PTRH1: variants seen among roughly 807,000 people sequenced by gnomAD.
The protein encoded by PTRH1 is peptidyl-tRNA hydrolase.
A neutral mutation model predicts 15.7 loss-of-function variants in PTRH1; 13 were observed. The observed-to-expected ratio is 0.83, with a 90% confidence interval of 0.54 to 1.31. The LOEUF is 1.31. Ranked by LOEUF, PTRH1 falls within the 40% of genes most tolerant of loss-of-function variation. The probability of loss-of-function intolerance (pLI) is 0.00; values close to 1 mark genes in which losing one functional copy is unlikely to be tolerated. For missense variants in PTRH1, 319 were observed against 296.2 expected, an observed-to-expected ratio of 1.08 and a Z score of -0.56; for synonymous variants, 139 against 136.7, an observed-to-expected ratio of 1.02 and a Z score of -0.12.
At chr9:127,702,130 T>C (rs1588383933) in intron 1 of PTRH1, among the ~76,000 whole-genome samples, 1 of 152,002 alleles carries the variant, frequency 6.6e-6, no homozygotes, top group Non-Finnish European at 1.5e-5. Context: ...TCCCAGCACT[T>C]TGGGAGACCG....
downstream of PTRH1, chr9:127,710,538 TCCTCGCCAG>T: frequency 6.5e-7 from 1 of 1,541,822 alleles, no homozygotes; most frequent in Non-Finnish European, 8.8e-7. Context: ...ATCTTTAAGG[TCCTCGCCAG>T]GCCCTGTCCT....
At chr9:127,709,143 C>T (rs1047960687), downstream of PTRH1, among the ~76,000 whole-genome samples, 8 of 152,232 alleles carry the variant, frequency 5.3e-5, no homozygotes, top group Non-Finnish European at 1.2e-4. The surrounding 1 kb of genome is among the most constrained non-coding windows in gnomAD (Gnocchi z 4.7). Context: ...ATCTGCCAGG[C>T]ACAGGTGTTG....
chr9:127,709,162 C>T (rs1236281875), downstream of PTRH1, among the ~76,000 whole-genome samples: 1 of 152,256 alleles, frequency 6.6e-6, no homozygotes, highest in Non-Finnish European at 1.5e-5. The surrounding 1 kb of genome is among the most constrained non-coding windows in gnomAD (Gnocchi z 4.7). Context: ...TGGGGACATA[C>T]TTGTAAACAT....
rs1842632532 is a variant in PTRH1, at chr9:127,705,073, C to A, written c.206-9932G>T. Among the ~76,000 whole-genome samples, 1 of 152,192 alleles carries A rather than the reference C, an allele frequency of 6.6e-6. No homozygotes were observed. The highest frequency in any genetic ancestry group is 1.5e-5 in the Non-Finnish European group (1 of 68,020). ...AAGGGCATGTTTAATGATGCCTGGCCTCCCTGCTTCCCCAGGGCCTAGGTT... is the reference window on the plus strand; with the variant it reads ...AAGGGCATGTTTAATGATGCCTGGCATCCCTGCTTCCCCAGGGCCTAGGTT... On this transcript the variant is annotated intron_variant, in intron 1 of 2. Coordinates refer to the PTRH1 transcript ENST00000335223. This position sits in a 1 kb window ranked among gnomAD's most constrained non-coding sequence, Gnocchi z 4.7.
chr9:127,701,028 T>C (rs7029756), intron 1 of PTRH1, among the ~76,000 whole-genome samples: 2,145 of 152,378 alleles, frequency 0.014, 52 homozygotes, highest in African/African-American at 0.05. Flanking sequence ...GGTCGAATGG[T>C]ACATGCATGT....
intron 1 of PTRH1, among the ~76,000 whole-genome samples, chr9:127,708,247 G>A (rs1842690000): frequency 6.6e-6 from 1 of 152,210 alleles, no homozygotes; most frequent in Non-Finnish European, 1.5e-5. Flanking sequence ...GGGAGGCCAA[G>A]GTGGGCAGAT....
chr9:127,712,094 G>A (rs976942448), downstream of PTRH1: 1 of 1,519,692 alleles, frequency 6.6e-7, no homozygotes, highest in Non-Finnish European at 8.9e-7. Flanking sequence ...GGGGCGGGAT[G>A]GGGGCCCCTG....
At chr9:127,713,496 C>CTTTT (rs58502035), downstream of PTRH1, 13 of 90,930 alleles carry the variant, frequency 1.4e-4, no homozygotes, top group South Asian at 1.9e-4. Context: ...CAGCATCTTT[C>CTTTT]TTTTTTTTTT....
chr9:127,712,056 G>A (rs1842778236), downstream of PTRH1: 2 of 1,505,138 alleles, frequency 1.3e-6, no homozygotes, highest in East Asian at 2.4e-5. Context: ...CCCCTCTCTA[G>A]AGGAGCCTGC....
At chr9:127,702,714 CT>C (rs951509896) in intron 1 of PTRH1, among the ~76,000 whole-genome samples, 67 of 145,198 alleles carry the variant, frequency 4.6e-4, no homozygotes, top group Middle Eastern at 3.5e-3. Context: ...CATTATTTTT[CT>C]TTTTTTTTTT....
chr9:127,703,356 G>A (rs1439281942), intron 1 of PTRH1, among the ~76,000 whole-genome samples: 1 of 152,040 alleles, frequency 6.6e-6, no homozygotes, highest in Non-Finnish European at 1.5e-5. Context: ...TGAGGCAGGA[G>A]AATCACTTGA....
In PTRH1 at chr9:127,713,892, T is replaced by C. The variant is rs1478616023; in HGVS notation, c.*208A>G. 6.2e-7 allele frequency: 1 copy of C among 1,613,948 alleles called. No individual in the cohort carries two copies. Among genetic ancestry groups the C allele is most frequent in the South Asian group, 1.1e-5 (1 of 91,084 alleles). On this transcript the variant is annotated 3_prime_UTR_variant, in exon 5 of 5. Coordinates refer to ENST00000543175, the MANE Select transcript of PTRH1 (RefSeq NM_001002913.3). ...AAGTTTAGTCTTCCTGAAGTTCCCC[T>C]ACGTCCCAAGTAGGACACAGAGAGA...
intron 3 of PTRH1, 42 bp downstream of exon 3, chr9:127,714,561 G>T: frequency 6.3e-7 from 1 of 1,599,420 alleles, no homozygotes; most frequent in Non-Finnish European, 8.6e-7. Flanking sequence ...CAACTGGGAG[G>T]CCTGAAGCCC....
At chr9:127,698,913 T>G (rs945585695) in intron 1 of PTRH1, among the ~76,000 whole-genome samples, 1 of 151,056 alleles carries the variant, frequency 6.6e-6, no homozygotes, top group African/African-American at 2.4e-5. Context: ...AACTTTTTTT[T>G]TTTTTTTTTT....
At chr9:127,707,180 A>T (rs1564364203) in intron 1 of PTRH1, 2 of 1,612,390 alleles carry the variant, frequency 1.2e-6, no homozygotes, top group Non-Finnish European at 1.7e-6. Context: ...GACCTGGAGG[A>T]CCGGCTAGCC....
At chr9:127,712,802 A>G (rs544030250), downstream of PTRH1, 1 of 1,614,150 alleles carries the variant, frequency 6.2e-7, no homozygotes, top group East Asian at 2.2e-5. Flanking sequence ...GCTCAGCTCC[A>G]CTGTGGCCAC....
downstream of PTRH1, chr9:127,711,616 G>C: frequency 3.0e-6 from 4 of 1,319,574 alleles, no homozygotes; most frequent in Non-Finnish European, 4.1e-6. Flanking sequence ...AGCAGAGAGA[G>C]GACTGGGCCT....
Position 127,715,568 on chromosome 9 carries a change from A to T in PTRH1, c.72T>A (p.Pro24=). The part of the protein sequence containing the change: ...SRAMSRCVLE[P]RPPGKRWMVA... The stretch of plus-strand genomic sequence containing the variant: ...CCATCCACCGCTTCCCCGGGGGGCG[A>T]GGCTCCAAAACACATCGGCTCATGG... The change falls in exon 1 of 5, where the codon CCT becomes CCA. Residue 24 remains proline, a synonymous_variant. Transcript: ENST00000543175. This position sits in a 1 kb window ranked among gnomAD's most constrained non-coding sequence, Gnocchi z 5.8. 6.2e-7 allele frequency: 1 copy of T among 1,613,454 alleles called. No individual in the cohort carries two copies. Among genetic ancestry groups the T allele is most frequent in the Non-Finnish European group, 8.5e-7 (1 of 1,180,016 alleles).
At chr9:127,704,375 G>T (rs1471007010) in intron 1 of PTRH1, among the ~76,000 whole-genome samples, 1 of 151,912 alleles carries the variant, frequency 6.6e-6, no homozygotes, top group Admixed American at 6.6e-5. Flanking sequence ...AGGCATGGTG[G>T]TGCGTGCGTG....
Sources: gnomAD v4.1 joint callset for allele counts (sites outside exome capture counted in the v4.1 genomes callset) on GRCh38, gnomAD v4.1.1 for gene constraint, Gnocchi (gnomAD v3.1) non-coding constraint, MANE v1.5 for transcripts, NCBI Gene and HGNC (gene_info 2026-07-23, HGNC 2026-07-21) for gene names.